The following TMIGD3 variants were observed in gnomAD, a reference collection of about 807,000 sequenced individuals.
TMIGD3 encodes the protein AD026 protein (AD026).
Under a neutral mutation model 28.1 loss-of-function variants are expected in TMIGD3, and 21 were observed. That is an observed-to-expected ratio of 0.75 (90% CI 0.53 to 1.08). TMIGD3 has a LOEUF of 1.08. Among genes scored for constraint, TMIGD3 ranks in the 50% least tolerant of loss-of-function variants. The pLI is 0.00. For synonymous variants in TMIGD3, 151 were observed against 162.1 expected, an observed-to-expected ratio of 0.93 and a Z score of 0.52; for missense variants, 416 against 435.6, an observed-to-expected ratio of 0.96 and a Z score of 0.40.
At chr1:111,493,812 G>A (rs758053924) in intron 1 of TMIGD3, among the ~76,000 whole-genome samples, 1 of 152,198 alleles carries the variant, frequency 6.6e-6, no homozygotes, top group Non-Finnish European at 1.5e-5. Context: ...CAAACATTGT[G>A]CTGCTTTCCC....
intron 1 of TMIGD3, among the ~76,000 whole-genome samples, chr1:111,494,761 A>G (rs1477023629): frequency 1.3e-5 from 2 of 152,244 alleles, no homozygotes; most frequent in African/African-American, 4.8e-5. Flanking sequence ...ACAGGACTAT[A>G]GTAACCAAAA....
chr1:111,553,902 T>C (rs956912814), intron 1 of TMIGD3, among the ~76,000 whole-genome samples: 1 of 152,232 alleles, frequency 6.6e-6, no homozygotes, highest in Non-Finnish European at 1.5e-5. Flanking sequence ...TAAGAACCTA[T>C]ACAAAGAGCT....
At chr1:111,542,414 T>C (rs1160976691) in intron 1 of TMIGD3, 2 of 233,244 alleles carry the variant, frequency 8.6e-6, no homozygotes, top group African/African-American at 4.6e-5. Flanking sequence ...CCTCCATTTA[T>C]TTGGTGAAAA....
At chr1:111,531,993 A>G (rs926087649) in intron 1 of TMIGD3, among the ~76,000 whole-genome samples, 4 of 152,220 alleles carry the variant, frequency 2.6e-5, no homozygotes, top group Non-Finnish European at 4.4e-5. Flanking sequence ...GTCTAAGGCT[A>G]ATTTGTCCTA....
At chr1:111,499,523 A>G in intron 1 of TMIGD3, 1 of 998,654 alleles carries the variant, frequency 1.0e-6, no homozygotes, top group East Asian at 1.0e-4. Flanking sequence ...TGTTCCCAAC[A>G]TCTCCTAGGC....
At chr1:111,502,479 T>TG (rs1655289707) in intron 1 of TMIGD3, among the ~76,000 whole-genome samples, 1 of 144,496 alleles carries the variant, frequency 6.9e-6, no homozygotes, top group African/African-American at 2.5e-5. Context: ...TTTATTATAA[T>TG]AAATATATAT....
upstream of TMIGD3, among the ~76,000 whole-genome samples, chr1:111,506,892 C>CAAAAA (rs10653519): frequency 6.8e-5 from 9 of 132,244 alleles, no homozygotes; most frequent in African/African-American, 8.9e-5. Flanking sequence ...TTCTTAAAAA[C>CAAAAA]AAAAAATATA....
At chr1:111,545,511 T>C (rs182093254) in intron 1 of TMIGD3, among the ~76,000 whole-genome samples, 2 of 152,252 alleles carry the variant, frequency 1.3e-5, no homozygotes, top group East Asian at 3.9e-4. Context: ...TCTTTATGTA[T>C]TCTGGCTACT....
chr1:111,515,904 A>T (rs2100998572), intron 1 of TMIGD3, among the ~76,000 whole-genome samples: 1 of 152,368 alleles, frequency 6.6e-6, no homozygotes, highest in Admixed American at 6.5e-5. Context: ...AGGTCAGCAC[A>T]GCCCCAGCCC....
intron 1 of TMIGD3, among the ~76,000 whole-genome samples, chr1:111,547,400 A>G (rs1657072810): frequency 6.6e-6 from 1 of 152,084 alleles, no homozygotes; most frequent in Non-Finnish European, 1.5e-5. Context: ...ATTTTTATAT[A>G]TCAAATCAAT....
At chr1:111,490,149 T>C (rs1446070079) in intron 2 of TMIGD3, among the ~76,000 whole-genome samples, 1 of 152,034 alleles carries the variant, frequency 6.6e-6, no homozygotes, top group Non-Finnish European at 1.5e-5. Context: ...AAAAGGCCAG[T>C]GTTCCAAGTC....
chr1:111,561,028 C>T (rs151253684), intron 1 of TMIGD3, among the ~76,000 whole-genome samples: 4 of 152,258 alleles, frequency 2.6e-5, no homozygotes, highest in Non-Finnish European at 2.9e-5. Flanking sequence ...TTGTGTCCAG[C>T]GAACAAGGCT....
At chr1:111,530,006 C>T (rs1465382278) in intron 1 of TMIGD3, among the ~76,000 whole-genome samples, 9 of 98,578 alleles carry the variant, frequency 9.1e-5, no homozygotes, top group Admixed American at 2.6e-4. Context: ...GCGCTGACCC[C>T]CCCACCTCCC....
chr1:111,510,264 C>T (rs1288648781), intron 1 of TMIGD3, among the ~76,000 whole-genome samples: 2 of 152,154 alleles, frequency 1.3e-5, no homozygotes, highest in Admixed American at 1.3e-4. Context: ...ACTGCAAAAC[C>T]GTTTTACTTT....
intron 1 of TMIGD3, among the ~76,000 whole-genome samples, chr1:111,520,347 G>C (rs987897113): frequency 1.3e-5 from 2 of 152,168 alleles, no homozygotes; most frequent in Non-Finnish European, 2.9e-5. Flanking sequence ...CTCCTGACTA[G>C]AGTCATCACA....
intron 1 of TMIGD3, among the ~76,000 whole-genome samples, chr1:111,554,242 A>G (rs1657389031): frequency 1.3e-5 from 2 of 152,258 alleles, no homozygotes; most frequent in East Asian, 3.8e-4. Flanking sequence ...CAAGTTAGAA[A>G]CATCCCGGAG....
chr1:111,507,076 CTG>C (rs2100990382), upstream of TMIGD3, among the ~76,000 whole-genome samples: 1 of 145,746 alleles, frequency 6.9e-6, no homozygotes, highest in East Asian at 2.0e-4. Flanking sequence ...CTGTAGTTAA[CTG>C]TGGTTCAGGA....
intron 1 of TMIGD3, among the ~76,000 whole-genome samples, chr1:111,528,737 T>G (rs1313677688): frequency 6.6e-6 from 1 of 152,182 alleles, no homozygotes; most frequent in Non-Finnish European, 1.5e-5. Flanking sequence ...GTACTTATAT[T>G]GTTAGATTTA....
chr1:111,500,523 C>T, intron 1 of TMIGD3: 1 of 1,614,142 alleles, frequency 6.2e-7, no homozygotes, highest in Non-Finnish European at 8.5e-7. Flanking sequence ...CCAGGGCCAG[C>T]CATATTCTTC....
Sources: gnomAD v4.1 joint callset for allele counts (sites outside exome capture counted in the v4.1 genomes callset) on GRCh38, gnomAD v4.1.1 for gene constraint, MANE v1.5 for transcripts, NCBI Gene and HGNC (gene_info 2026-07-23, HGNC 2026-07-21) for gene names.